Variants in DCC observed in about 807,000 individuals in gnomAD.
DCC encodes netrin receptor DCC.
In DCC, 58 loss-of-function variants were observed where a neutral mutation model predicts 172.5. The observed-to-expected ratio is 0.34, with a 90% CI of 0.27 to 0.42. DCC has a LOEUF of 0.42. Among genes scored for constraint, DCC ranks in the 10% least tolerant of loss-of-function variants. The pLI is 1.00. For missense variants in DCC, 1,740 were observed against 1,791.0 expected, an observed-to-expected ratio of 0.97 and a Z score of 0.51; for synonymous variants, 709 against 644.5, an observed-to-expected ratio of 1.10 and a Z score of -1.52.
At chr18:52,711,517 A>G (rs1348472104) in intron 1 of DCC, among the ~76,000 whole-genome samples, 1 of 152,232 alleles carries the variant, frequency 6.6e-6, no homozygotes, top group Admixed American at 6.5e-5. Flanking sequence ...TTACAAATCT[A>G]TCATAGAGTC....
chr18:53,409,258 C>A (rs1909844520), intron 19 of DCC, among the ~76,000 whole-genome samples: 1 of 152,094 alleles, frequency 6.6e-6, no homozygotes, highest in Non-Finnish European at 1.5e-5. Context: ...AGTCTGAGAA[C>A]CCTCTGACAT....
At chr18:52,664,686 T>C (rs994719310) in intron 1 of DCC, among the ~76,000 whole-genome samples, 7 of 151,924 alleles carry the variant, frequency 4.6e-5, no homozygotes, top group Admixed American at 4.6e-4. Flanking sequence ...TTAGCCAGGA[T>C]GGTCTCGATC....
chr18:52,787,980 C>T (rs757458523), intron 2 of DCC, among the ~76,000 whole-genome samples: 20 of 152,240 alleles, frequency 1.3e-4, no homozygotes, highest in Admixed American at 5.2e-4. Context: ...GAAATCTGTA[C>T]AAGCCTTTTA....
intron 7 of DCC, among the ~76,000 whole-genome samples, chr18:53,080,751 G>A (rs551724341): frequency 2.0e-5 from 3 of 152,166 alleles, no homozygotes; most frequent in South Asian, 2.1e-4. Context: ...AAGAGGAAAC[G>A]GTTAGCAGTT....
intron 12 of DCC, among the ~76,000 whole-genome samples, chr18:53,239,770 G>A (rs2056260077): frequency 1.3e-5 from 2 of 152,046 alleles, no homozygotes; most frequent in African/African-American, 4.8e-5. Flanking sequence ...ATTCAAGGGT[G>A]TTCAAAATGA....
chr18:52,795,186 T>C (rs930132206), intron 2 of DCC, among the ~76,000 whole-genome samples: 1 of 152,086 alleles, frequency 6.6e-6, no homozygotes, highest in African/African-American at 2.4e-5. Context: ...ATCTTTGTAA[T>C]AGTTTGAGAA....
chr18:53,426,568 C>T (rs960206218), intron 21 of DCC, among the ~76,000 whole-genome samples: 25 of 151,034 alleles, frequency 1.7e-4, no homozygotes, highest in African/African-American at 5.6e-4. Context: ...ACCTCACATG[C>T]CACCTCCTCT....
At chr18:52,640,371 A>G (rs540112486) in intron 1 of DCC, among the ~76,000 whole-genome samples, 3 of 152,296 alleles carry the variant, frequency 2.0e-5, no homozygotes, top group South Asian at 2.1e-4. Flanking sequence ...ACAATCAGAC[A>G]AGAGAAAGAA....
chr18:53,516,823 A>C (rs2046339437), intron 27 of DCC, among the ~76,000 whole-genome samples: 2 of 142,518 alleles, frequency 1.4e-5, no homozygotes, highest in South Asian at 4.3e-4. Flanking sequence ...GATGTGGAGA[A>C]ATAGGAACAC....
At chr18:52,794,309 C>T (rs1380621741) in intron 2 of DCC, among the ~76,000 whole-genome samples, 6 of 151,900 alleles carry the variant, frequency 3.9e-5, no homozygotes, top group South Asian at 2.1e-4. Context: ...GATGTGTTTA[C>T]GTTTGCTTGT....
At chr18:52,375,235 A>G (rs1324920181) in intron 1 of DCC, among the ~76,000 whole-genome samples, 1 of 152,182 alleles carries the variant, frequency 6.6e-6, no homozygotes, top group Non-Finnish European at 1.5e-5. Context: ...CTTTACTATG[A>G]GAGGAGCCAA....
chr18:52,342,321 T>A (rs1243960184), intron 1 of DCC, among the ~76,000 whole-genome samples: 1 of 152,010 alleles, frequency 6.6e-6, no homozygotes, highest in Non-Finnish European at 1.5e-5. Context: ...TGTCCTGTGA[T>A]GAGCGCGTAC....
At chr18:53,084,671 G>A (rs867396421) in intron 7 of DCC, among the ~76,000 whole-genome samples, 16 of 152,240 alleles carry the variant, frequency 1.1e-4, no homozygotes, top group Middle Eastern at 6.8e-3. Context: ...GTAGGAAAAG[G>A]CAAGGAGATG....
At chr18:52,520,886 A>C (rs759751553) in intron 1 of DCC, among the ~76,000 whole-genome samples, 16 of 152,318 alleles carry the variant, frequency 1.1e-4, no homozygotes, top group Middle Eastern at 3.4e-3. Context: ...TGCTGTGGTC[A>C]AAACCTGTAA....
intron 1 of DCC, among the ~76,000 whole-genome samples, chr18:52,357,510 TA>T (rs1984420930): frequency 6.6e-6 from 1 of 152,016 alleles, no homozygotes; most frequent in African/African-American, 2.4e-5. Flanking sequence ...CATAAATAAA[TA>T]ATTGAATAAA....
In DCC at chr18:53,225,867, G is replaced by A. The variant is rs925172943; in HGVS notation, c.1911+10270G>A. On this transcript the variant is annotated intron_variant, in intron 12 of 28. Transcript: ENST00000442544. Reference sequence around the variant, plus strand: ...ATAGCTGGGTTTTATTCAGTTTGATGTTTTTCCAGGGAAGAACGGGTCAGG... The same window carrying A: ...ATAGCTGGGTTTTATTCAGTTTGATATTTTTCCAGGGAAGAACGGGTCAGG... 3.9e-5 allele frequency among the ~76,000 whole-genome samples: 6 copies of A among 152,232 alleles called. No homozygotes were observed. In the South Asian group the frequency reaches 1.0e-3, roughly 26 times the overall value.
chr18:52,479,971 G>A (rs2029890385), intron 1 of DCC, among the ~76,000 whole-genome samples: 1 of 152,028 alleles, frequency 6.6e-6, no homozygotes, highest in Non-Finnish European at 1.5e-5. Flanking sequence ...CTAAGTAAAT[G>A]CTAACATTTA....
intron 5 of DCC, among the ~76,000 whole-genome samples, chr18:52,941,692 G>T (rs1346069370): frequency 6.6e-6 from 1 of 152,008 alleles, no homozygotes; most frequent in Admixed American, 6.6e-5. Flanking sequence ...ATTACATGTA[G>T]CTTCATTCAC....
Position 53,322,038 on chromosome 18 carries a change from C to A in DCC, c.2054-9C>A, listed in dbSNP as rs759493412. ...ACTTTCTTCCCCCCTGTGGAAAATTCTTTCATAGGACTGGAGAAAGGAAGT... is the reference window on the plus strand; with the variant it reads ...ACTTTCTTCCCCCCTGTGGAAAATTATTTCATAGGACTGGAGAAAGGAAGT... On this transcript the variant is annotated splice_polypyrimidine_tract_variant and intron_variant, in intron 13 of 28. Transcript: ENST00000442544. 2 of 1,541,798 alleles carry A rather than the reference C, an allele frequency of 1.3e-6. No individual in the cohort carries two copies. Among genetic ancestry groups the A allele is most frequent in the Middle Eastern group, 1.7e-4 (1 of 5,902 alleles).
Sources: gnomAD v4.1 joint callset for allele counts (sites outside exome capture counted in the v4.1 genomes callset) on GRCh38, gnomAD v4.1.1 for gene constraint, MANE v1.5 for transcripts, NCBI Gene and HGNC (gene_info 2026-07-23, HGNC 2026-07-21) for gene names.